Variants in GNAI1 observed in about 807,000 individuals in gnomAD.
The protein encoded by GNAI1 is G protein subunit alpha i1.
In GNAI1, 11 loss-of-function variants were observed where a neutral mutation model predicts 38.9. The ratio of observed to expected loss-of-function variants is 0.28; its 90% CI spans 0.18 to 0.47. The LOEUF is 0.47. Among genes scored for constraint, GNAI1 ranks in the 20% least tolerant of loss-of-function variants. GNAI1 has a pLI of 0.99. For synonymous variants in GNAI1, 166 were observed against 145.1 expected, an observed-to-expected ratio of 1.14 and a Z score of -1.04; for missense variants, 317 against 436.9, an observed-to-expected ratio of 0.73 and a Z score of 2.45.
At position 80,212,788 on chromosome 7, in the gene GNAI1, A is replaced by T; in HGVS notation, c.793A>T (p.Ile265Leu). 1 of 1,577,590 alleles carries T rather than the reference A, an allele frequency of 6.3e-7. No individual in the cohort carries two copies. The highest frequency in any genetic ancestry group is 8.6e-7 in the Non-Finnish European group (1 of 1,161,118). Reference sequence around the variant, plus strand: ...CAAGTGGTTTACAGATACATCCATTATACTTTTTCTAAACAAGAAGGATCT... The same window carrying T: ...CAAGTGGTTTACAGATACATCCATTTTACTTTTTCTAAACAAGAAGGATCT... Reference protein sequence around the residue: ...NNKWFTDTSIILFLNKKDLFE... With the variant: ...NNKWFTDTSILLFLNKKDLFE... The change falls in exon 7 of 8, where the codon ATA becomes TTA. Residue 265 changes from isoleucine to leucine, a missense_variant. Physicochemically the swap from Ile to Leu is conservative, Grantham distance 5 (BLOSUM62 2). This residue lies in a region of GNAI1 where 158 missense variants were observed against 234.7 expected (regional missense o/e 0.67). Transcript: ENST00000649796.
At chr7:80,203,862 A>T in intron 5 of GNAI1, 30 bp downstream of exon 5, 2 of 1,268,530 alleles carry the variant, frequency 1.6e-6, no homozygotes, top group Non-Finnish European at 2.2e-6. Flanking sequence ...ATGATTTCTA[A>T]ATTTAGATAA....
rs57485323 is a variant in GNAI1, at chr7:80,219,027, TTGTG to T, written c.*1564_*1567del. 4.9e-3 allele frequency: 720 copies of T among 145,956 alleles called. 13 individuals are homozygous for T. The East Asian group carries it at 0.059, about 12-fold the overall frequency. The allele number at this position is 145,956 out of a possible 1,614,324, so 9.0% of individuals were successfully genotyped here. A position where few individuals can be genotyped will look rare whatever the true frequency, so the allele number is the denominator to read the frequency against. Reference sequence around the variant, plus strand: ...GTGTTGTCACTGGGTTGAAGTATATTTGTGTGTGTGTGTGTGTGTGTGTGTGTGT... The same window carrying T: ...GTGTTGTCACTGGGTTGAAGTATATTTGTGTGTGTGTGTGTGTGTGTGTGT... On this transcript the variant is annotated 3_prime_UTR_variant, in exon 8 of 8. Transcript: ENST00000649796.
rs1452072801 is a variant in GNAI1, at chr7:80,224,156, A to G, written c.*6663A>G. Among the ~76,000 whole-genome samples, 4 of 152,254 alleles carry G rather than the reference A, an allele frequency of 2.6e-5. No individual in the cohort carries two copies. Among genetic ancestry groups the G allele is most frequent in the Non-Finnish European group, 4.4e-5 (3 of 68,046 alleles). Reference sequence around the variant, plus strand: ...CCATTATTTAAAATATGTTAGAGATACATAAATATATAGAGAAAATGCATA... The same window carrying G: ...CCATTATTTAAAATATGTTAGAGATGCATAAATATATAGAGAAAATGCATA... On this transcript the variant is annotated 3_prime_UTR_variant, in exon 8 of 8. Coordinates refer to ENST00000649796, the MANE Select transcript of GNAI1 (RefSeq NM_002069.6).
chr7:80,143,719 G>A (rs749576450), intron 1 of GNAI1, among the ~76,000 whole-genome samples: 27 of 152,044 alleles, frequency 1.8e-4, no homozygotes, highest in Non-Finnish European at 2.9e-5. Flanking sequence ...ACTTCATAGG[G>A]CTAGTGACAA....
intron 1 of GNAI1, among the ~76,000 whole-genome samples, chr7:80,171,117 C>G (rs1034482201): frequency 6.6e-6 from 1 of 152,182 alleles, no homozygotes; most frequent in African/African-American, 2.4e-5. Flanking sequence ...ATAGTTCCTT[C>G]TCTTACAGCT....
At chr7:80,217,198 C>CTGTATGAAACTTACTTCAGTTTCATA in intron 7 of GNAI1, 105 bp from the exon 8 acceptor site, 2 of 478,780 alleles carry the variant, frequency 4.2e-6, no homozygotes, top group South Asian at 4.8e-5. Flanking sequence ...ATGAATGAAA[C>CTGTATGAAACTTACTTCAGTTTCATA]TGTATGAAAC....
intron 1 of GNAI1, among the ~76,000 whole-genome samples, chr7:80,139,892 T>C (rs964247186): frequency 2.1e-5 from 3 of 145,102 alleles, no homozygotes; most frequent in Non-Finnish European, 4.6e-5. Flanking sequence ...GTTGCAATTA[T>C]GGCACTTTGC....
rs757783300 is a variant in GNAI1 at position 80,188,936 on chromosome 7, G to A, written c.119-15G>A. On this transcript the variant is annotated splice_polypyrimidine_tract_variant and intron_variant, in intron 1 of 7. Transcript: ENST00000649796. Reference sequence around the variant, plus strand: ...TATGATGAAATTAGAAACCTTTTATGTTTTATATTTTTAGGTGCTGGTGAA... The same window carrying A: ...TATGATGAAATTAGAAACCTTTTATATTTTATATTTTTAGGTGCTGGTGAA... 35 of 1,579,418 alleles carry A rather than the reference G, an allele frequency of 2.2e-5. No homozygotes were observed. In the African/African-American group the frequency reaches 4.3e-4, roughly 20 times the overall value.
At chr7:80,183,795 C>A (rs1218549946) in intron 1 of GNAI1, among the ~76,000 whole-genome samples, 1 of 152,146 alleles carries the variant, frequency 6.6e-6, no homozygotes, top group Non-Finnish European at 1.5e-5. Context: ...TTACATAACT[C>A]TCTTAAAGGA....
At chr7:80,139,052 G>A (rs1320063207) in intron 1 of GNAI1, among the ~76,000 whole-genome samples, 2 of 152,082 alleles carry the variant, frequency 1.3e-5, no homozygotes, top group Non-Finnish European at 2.9e-5. Flanking sequence ...AATTGGTTTA[G>A]GATCTTAGAT....
At chr7:80,207,528 C>A (rs1788796807) in intron 5 of GNAI1, among the ~76,000 whole-genome samples, 1 of 152,042 alleles carries the variant, frequency 6.6e-6, no homozygotes, top group African/African-American at 2.4e-5. Flanking sequence ...TTGTCAGGAA[C>A]CTCAGATAAA....
rs1459000408 is a variant in GNAI1 at position 80,156,002 on chromosome 7, C to T, written c.118+20724C>T. Among the ~76,000 whole-genome samples the T allele has an allele frequency of 2.8e-5, 4 of 144,670 alleles. No homozygotes were observed. The Admixed American group carries it at 2.8e-4, about 10-fold the overall frequency. The allele number at this position is 144,670 out of a possible 152,430, so 94.9% of individuals were successfully genotyped here. A position where few individuals can be genotyped will look rare whatever the true frequency, so the allele number is the denominator to read the frequency against. ...AGGTTGCAGTGAGCCGAGATCACAC[C>T]ACTGCACTCCAGCCTGGGCAACAGA... On this transcript the variant is annotated intron_variant, in intron 1 of 7. Transcript: ENST00000649796.
intron 1 of GNAI1, among the ~76,000 whole-genome samples, chr7:80,173,168 C>T (rs1788125134): frequency 6.6e-6 from 1 of 152,146 alleles, no homozygotes; most frequent in Non-Finnish European, 1.5e-5. Flanking sequence ...CTCCCTCCTG[C>T]TGACTGCAGG....
chr7:80,219,621 A>G lies in GNAI1; in HGVS notation c.*2128A>G, dbSNP rs376235520. Among the ~76,000 whole-genome samples, 21 of 152,290 alleles carry G rather than the reference A, an allele frequency of 1.4e-4. No homozygotes were observed. Among genetic ancestry groups the G allele is most frequent in the Middle Eastern group, 3.4e-3 (1 of 294 alleles). ...GCCTGCTTTTTAACTCATTATATTCAAAACTAAATTCATCATCATTCTCTC... is the reference window on the plus strand; with the variant it reads ...GCCTGCTTTTTAACTCATTATATTCGAAACTAAATTCATCATCATTCTCTC... On this transcript the variant is annotated 3_prime_UTR_variant, in exon 8 of 8. Transcript: ENST00000649796.
chr7:80,175,434 A>G (rs1788167743), intron 1 of GNAI1, among the ~76,000 whole-genome samples: 2 of 152,094 alleles, frequency 1.3e-5, no homozygotes, highest in African/African-American at 4.8e-5. Context: ...AACTTAACCA[A>G]TTTCCAAATC....
chr7:80,145,944 T>C (rs959142345), intron 1 of GNAI1, among the ~76,000 whole-genome samples: 2 of 152,148 alleles, frequency 1.3e-5, no homozygotes, highest in Admixed American at 6.5e-5. Context: ...CTCAGCTGTT[T>C]CGAGTGCTTT....
In GNAI1 at chr7:80,135,180, C is replaced by T; in HGVS notation, c.20C>T (p.Ala7Val). 6.5e-7 allele frequency: 1 copy of T among 1,542,368 alleles called. No individual in the cohort carries two copies. The highest frequency in any genetic ancestry group is 8.7e-7 in the Non-Finnish European group (1 of 1,145,308). ...GGCACCATGGGCTGCACGCTGAGCG[C>T]CGAGGACAAGGCGGCGGTGGAGCGG... MGCTLS[A>V]EDKAAVERSK... Residue 7 changes from alanine (A) to valine (V), a missense_variant, in exon 1 of 8, where the codon GCC becomes GTC. Ala to Val is a moderately conservative substitution (Grantham distance 64). This residue lies in a region of GNAI1 where 37 missense variants were observed against 26.2 expected (regional missense o/e 1.41). Coordinates refer to ENST00000649796, the MANE Select transcript of GNAI1 (RefSeq NM_002069.6).
Position 80,217,287 on chromosome 7 carries a change from C to T in GNAI1, c.875-16C>T. 2.1e-6 allele frequency: 3 copies of T among 1,449,712 alleles called. No homozygotes were observed. The highest frequency in any genetic ancestry group is 2.5e-5 in the Admixed American group (1 of 40,288). The allele number at this position is 1,449,712 out of a possible 1,614,324, so 89.8% of individuals were successfully genotyped here. A position where few individuals can be genotyped will look rare whatever the true frequency, so the allele number is the denominator to read the frequency against. On this transcript the variant is annotated splice_polypyrimidine_tract_variant and intron_variant, in intron 7 of 7. Coordinates refer to ENST00000649796, the MANE Select transcript of GNAI1 (RefSeq NM_002069.6). The stretch of plus-strand genomic sequence containing the variant: ...TAACTTTTTGCATTTATGTTTCTTT[C>T]CTTTTTCCATCTCAGGATCAAACAC...
chr7:80,190,659 G>T (rs1178859442), intron 3 of GNAI1, among the ~76,000 whole-genome samples: 1 of 151,966 alleles, frequency 6.6e-6, no homozygotes, highest in African/African-American at 2.4e-5. Flanking sequence ...TAAGAAAAAA[G>T]AATTAATAAA....
Sources: gnomAD v4.1 joint callset for allele counts (sites outside exome capture counted in the v4.1 genomes callset) on GRCh38, gnomAD v4.1.1 for gene constraint, gnomAD v4.1.1 regional missense constraint, MANE v1.5 for transcripts, NCBI Gene and HGNC (gene_info 2026-07-23, HGNC 2026-07-21) for gene names.